Variants in BPHL observed in about 807,000 individuals in gnomAD.
The protein encoded by BPHL is serine hydrolase BPHL.
In BPHL, 27 loss-of-function variants were observed where a neutral mutation model predicts 31.2. That is an observed-to-expected ratio of 0.87 (90% CI 0.64 to 1.19). The LOEUF (loss-of-function observed/expected upper bound fraction) is 1.19, where lower values mean the gene tolerates loss of function less well. Among genes scored for constraint, BPHL ranks in the 50% most tolerant of loss-of-function variants. BPHL has a pLI of 0.00. For synonymous variants in BPHL, 150 were observed against 146.8 expected, an observed-to-expected ratio of 1.02 and a Z score of -0.16; for missense variants, 356 against 375.7, an observed-to-expected ratio of 0.95 and a Z score of 0.43.
At chr6:3,132,588 T>C (rs1042117646) in intron 4 of BPHL, among the ~76,000 whole-genome samples, 13 of 152,086 alleles carry the variant, frequency 8.5e-5, no homozygotes, top group African/African-American at 3.1e-4. Context: ...CCCAGCACTT[T>C]GGGAGGCTGA....
intron 4 of BPHL, among the ~76,000 whole-genome samples, chr6:3,130,176 C>G (rs891558469): frequency 6.6e-6 from 1 of 152,188 alleles, no homozygotes; most frequent in Non-Finnish European, 1.5e-5. Flanking sequence ...AGCCTGCCTC[C>G]CACTTTTGTG....
At chr6:3,152,463 A>G (rs1164172550) in intron 6 of BPHL, 25 bp from the exon 7 acceptor site, 1 of 1,610,032 alleles carries the variant, frequency 6.2e-7, no homozygotes, top group East Asian at 2.2e-5. Flanking sequence ...CCATTGACCC[A>G]AAGTATTTTT....
In BPHL at chr6:3,145,168, TGGAG is replaced by T. The variant is rs1762296541; in HGVS notation, c.788+4660_788+4663del. Among the ~76,000 whole-genome samples the T allele has an allele frequency of 1.8e-4, 17 of 95,732 alleles. 5 individuals are homozygous for T. The highest frequency in any genetic ancestry group is 2.6e-4 in the Non-Finnish European group (11 of 42,790). 62.8% of individuals were successfully genotyped at this position (95,732 alleles called of 152,430 possible). On this transcript the variant is annotated intron_variant, in intron 6 of 6. Transcript: ENST00000380379. ...GTTTGGGTCGAGTGCTGGTTCAGGG[TGGAG>T]TGCTGGTTCGGGGTGGAGTGCTGGT...
chr6:3,123,949 A>G, intron 2 of BPHL, 189 bp downstream of exon 2: 1 of 448,052 alleles, frequency 2.2e-6, no homozygotes, highest in Non-Finnish European at 3.9e-6. Flanking sequence ...TGGATTTTTT[A>G]TTCCTTTAGT....
intron 4 of BPHL, among the ~76,000 whole-genome samples, chr6:3,131,378 C>T (rs1171460220): frequency 2.6e-5 from 4 of 152,110 alleles, no homozygotes; most frequent in African/African-American, 2.4e-5. Context: ...ATGCATCCCT[C>T]GAGGGCCCAG....
intron 4 of BPHL, among the ~76,000 whole-genome samples, chr6:3,133,799 C>T (rs982655641): frequency 6.6e-6 from 1 of 152,212 alleles, no homozygotes; most frequent in African/African-American, 2.4e-5. Context: ...TTCTTGTACC[C>T]GTCTCCTGGG....
chr6:3,153,535 C>A lies in BPHL; in HGVS notation c.*960C>A. On this transcript the variant is annotated 3_prime_UTR_variant, in exon 7 of 7. Coordinates refer to ENST00000380379, the MANE Select transcript of BPHL (RefSeq NM_004332.4). ...TTAATTAAAACACTAAAGCAGAAAT[C>A]CTACATTGCTATTAAAATTAAACTT... The A allele has an allele frequency of 2.3e-6, 1 of 440,580 alleles. No individual in the cohort carries two copies. The highest frequency in any genetic ancestry group is 4.1e-6 in the Non-Finnish European group (1 of 245,218). The allele number at this position is 440,580 out of a possible 1,614,324, so 27.3% of individuals were successfully genotyped here.
At chr6:3,118,394 T>A (rs1043516944), upstream of BPHL, 1 of 215,666 alleles carries the variant, frequency 4.6e-6, no homozygotes, top group Non-Finnish European at 9.1e-6. Context: ...GAGGGCGCTA[T>A]GGCTGGCGGC....
At chr6:3,132,667 C>CA (rs1446688804) in intron 4 of BPHL, among the ~76,000 whole-genome samples, 4 of 152,082 alleles carry the variant, frequency 2.6e-5, no homozygotes, top group Admixed American at 1.3e-4. Context: ...CCCGTGTCTA[C>CA]AAAAAAATAC....
At chr6:3,142,697 C>T (rs1430960206) in intron 6 of BPHL, among the ~76,000 whole-genome samples, 1 of 152,128 alleles carries the variant, frequency 6.6e-6, no homozygotes, top group Non-Finnish European at 1.5e-5. Flanking sequence ...AGCACAGCTG[C>T]CACTTATCTC....
At chr6:3,130,185 T>A (rs1554120038) in intron 4 of BPHL, among the ~76,000 whole-genome samples, 1 of 152,230 alleles carries the variant, frequency 6.6e-6, no homozygotes, top group Non-Finnish European at 1.5e-5. Context: ...CCCACTTTTG[T>A]GCAGCCCACG....
rs891240864 is a variant in BPHL at position 3,140,475 on chromosome 6, G to A, written c.754G>A (p.Ala252Thr). ...EKDPLVPRFH[A>T]DFIHKHVKGS... ...GGATCCTCTGGTCCCACGGTTTCAT[G>A]CCGACTTCATTCATAAGCACGTGAA... is the stretch of plus-strand genomic sequence containing the variant. The change falls in exon 6 of 7, where the codon GCC becomes ACC. Residue 252 changes from alanine (A) to threonine (T), a missense_variant. Coordinates refer to ENST00000380379, the MANE Select transcript of BPHL (RefSeq NM_004332.4). This position sits in a 1 kb window ranked among gnomAD's most constrained non-coding sequence, Gnocchi z 5.2. 2 of 1,613,980 alleles carry A rather than the reference G, an allele frequency of 1.2e-6. No homozygotes were observed. The highest frequency in any genetic ancestry group is 1.3e-5 in the African/African-American group (1 of 74,890).
chr6:3,122,062 G>A (rs1368570467), intron 1 of BPHL, among the ~76,000 whole-genome samples: 7 of 152,094 alleles, frequency 4.6e-5, no homozygotes, highest in African/African-American at 1.2e-4. Flanking sequence ...GGCAGATCAC[G>A]AGGTCAGGAG....
intron 4 of BPHL, 53 bp downstream of exon 4, chr6:3,129,251 G>T (rs1038201996): frequency 4.0e-6 from 6 of 1,489,948 alleles, no homozygotes; most frequent in African/African-American, 1.4e-5. Context: ...CCCTCTCTCC[G>T]CATCTCATCT....
Position 3,118,841 on chromosome 6 carries a change from C to T in BPHL, c.101C>T (p.Ala34Val), listed in dbSNP as rs1486435162. 3 of 1,238,964 alleles carry T rather than the reference C, an allele frequency of 2.4e-6. No homozygotes were observed. Among genetic ancestry groups the T allele is most frequent in the Non-Finnish European group, 3.0e-6 (3 of 990,098 alleles). The allele number at this position is 1,238,964 out of a possible 1,614,324, so 76.7% of individuals were successfully genotyped here. ...IHVPRAGPAA[A>V]FGTSVTSAKV... ...GTCCCACGGGCCGGACCCGCGGCCG[C>T]GTTCGGGTAATGGCGGCCACCTCGC... The change falls in exon 1 of 7, where the codon GCG becomes GTG. Residue 34 changes from alanine (A) to valine (V), a missense_variant. Coordinates refer to ENST00000380379, the MANE Select transcript of BPHL (RefSeq NM_004332.4).
At chr6:3,131,885 G>A (rs368499568) in intron 4 of BPHL, among the ~76,000 whole-genome samples, 3 of 152,126 alleles carry the variant, frequency 2.0e-5, no homozygotes, top group African/African-American at 7.2e-5. Context: ...ATGGCGTCCC[G>A]GAGCCCTGAG....
intron 4 of BPHL, among the ~76,000 whole-genome samples, chr6:3,136,985 G>A (rs1762030285): frequency 6.6e-6 from 1 of 152,220 alleles, no homozygotes; most frequent in African/African-American, 2.4e-5. Flanking sequence ...GACCCTGTTA[G>A]GGTCATATTT....
intron 6 of BPHL, among the ~76,000 whole-genome samples, chr6:3,148,103 C>T (rs1478983647): frequency 6.6e-6 from 1 of 152,222 alleles, no homozygotes; most frequent in African/African-American, 2.4e-5. Context: ...TCTGGGCACC[C>T]TGTAGCCCAG....
intron 4 of BPHL, among the ~76,000 whole-genome samples, chr6:3,136,933 A>C (rs1461364716): frequency 6.6e-6 from 1 of 152,206 alleles, no homozygotes; most frequent in East Asian, 1.9e-4. Context: ...GCAATGCAGA[A>C]AAAAACTCCT....
Sources: gnomAD v4.1 joint callset for allele counts (sites outside exome capture counted in the v4.1 genomes callset) on GRCh38, gnomAD v4.1.1 for gene constraint, Gnocchi (gnomAD v3.1) non-coding constraint, MANE v1.5 for transcripts, NCBI Gene and HGNC (gene_info 2026-07-23, HGNC 2026-07-21) for gene names.